The following OXR1 variants were observed in gnomAD, a reference collection of about 807,000 sequenced individuals.
OXR1 encodes the protein oxidation resistance 1.
In OXR1, 41 loss-of-function variants were observed where a neutral mutation model predicts 104.6. The ratio of observed to expected loss-of-function variants is 0.39; its 90% CI spans 0.31 to 0.51. OXR1 has a LOEUF of 0.51. Among genes scored for constraint, OXR1 ranks in the 20% least tolerant of loss-of-function variants. The probability of loss-of-function intolerance (pLI) is 0.77; values close to 1 mark genes in which losing one functional copy is unlikely to be tolerated. For missense variants in OXR1, 955 were observed against 1,031.9 expected (o/e 0.93, Z 1.02); for synonymous variants, 348 against 348.4 (o/e 1.00, Z 0.01).
At chr8:106,324,346 C>A (rs1211692933) in intron 1 of OXR1, among the ~76,000 whole-genome samples, 1 of 151,978 alleles carries the variant, frequency 6.6e-6, no homozygotes, top group African/African-American at 2.4e-5. Context: ...ACAACAGACC[C>A]TGGGGTCTAC....
intron 2 of OXR1, among the ~76,000 whole-genome samples, chr8:106,442,193 CTGTT>C (rs1180618988): frequency 9.2e-5 from 14 of 152,074 alleles, no homozygotes; most frequent in Admixed American, 5.9e-4. Context: ...GTCTTTGGTT[CTGTT>C]TATGTGATGG....
intron 15 of OXR1, among the ~76,000 whole-genome samples, chr8:106,743,202 G>T: frequency 6.6e-6 from 1 of 152,160 alleles, no homozygotes; most frequent in East Asian, 1.9e-4. Flanking sequence ...GATCATTAGA[G>T]AAATGCATAT....
chr8:106,405,055 G>GC (rs1818161135), intron 2 of OXR1, among the ~76,000 whole-genome samples: 2 of 151,282 alleles, frequency 1.3e-5, no homozygotes, highest in South Asian at 4.2e-4. Flanking sequence ...GATCAAACAT[G>GC]TAGTATCAGT....
In OXR1 at chr8:106,694,706, T is replaced by A. The variant is rs1299907027; in HGVS notation, c.675+1829T>A. ...ATATATAAATATATGTTTATATATTTAATATATAAATATATTTTTATATAT... is the reference window on the plus strand; with the variant it reads ...ATATATAAATATATGTTTATATATTAAATATATAAATATATTTTTATATAT... On this transcript the variant is annotated intron_variant, in intron 7 of 16. Coordinates refer to ENST00000517566, the MANE Select transcript of OXR1 (RefSeq NM_001198533.2). Among the ~76,000 whole-genome samples, 105 of 109,208 alleles carry A rather than the reference T, an allele frequency of 9.6e-4. 2 individuals carry two copies. Among genetic ancestry groups the A allele is most frequent in the Non-Finnish European group, 1.7e-3 (97 of 58,462 alleles). 71.6% of individuals were successfully genotyped at this position (109,208 alleles called of 152,430 possible). A position where few individuals can be genotyped will look rare whatever the true frequency, so the allele number is the denominator to read the frequency against.
chr8:106,461,408 C>A (rs908720451), intron 2 of OXR1, among the ~76,000 whole-genome samples: 4 of 151,676 alleles, frequency 2.6e-5, no homozygotes, highest in Non-Finnish European at 5.9e-5. Flanking sequence ...CCCATCTCTA[C>A]AAAAATACAA....
chr8:106,467,717 T>C (rs544522940), intron 2 of OXR1, among the ~76,000 whole-genome samples: 9 of 151,862 alleles, frequency 5.9e-5, no homozygotes, highest in Admixed American at 2.0e-4. Flanking sequence ...CTTACATGCT[T>C]TGCACTCCTA....
Position 106,739,504 on chromosome 8 carries a change from AAGC to A in OXR1, c.2087_2089del (p.Ala696del). 1 of 1,612,750 alleles carries A rather than the reference AAGC, an allele frequency of 6.2e-7. No individual in the cohort carries two copies. The highest frequency in any genetic ancestry group is 8.5e-7 in the Non-Finnish European group (1 of 1,178,880). On this transcript the variant is annotated inframe_deletion, in exon 13 of 17. Coordinates refer to ENST00000517566, the MANE Select transcript of OXR1 (RefSeq NM_001198533.2). ...AATTCAAAGCAGGTTGCTACAGTGA[AAGC>A]AGACCTGGAGTCTGAATCTTTTCGA...
intron 16 of OXR1, among the ~76,000 whole-genome samples, chr8:106,747,587 TAC>T (rs1378256972): frequency 1.6e-4 from 25 of 152,234 alleles, no homozygotes; most frequent in Admixed American, 1.6e-3. Context: ...CATATAAAAA[TAC>T]ACTTTCTGGC....
intron 1 of OXR1, chr8:106,272,289 A>G (rs994912871): frequency 6.6e-6 from 1 of 152,302 alleles, no homozygotes; most frequent in African/African-American, 2.4e-5. Flanking sequence ...TTCTCCATCC[A>G]GCTTGCCATG....
At chr8:106,471,625 T>A (rs1390861614) in intron 2 of OXR1, among the ~76,000 whole-genome samples, 2 of 151,882 alleles carry the variant, frequency 1.3e-5, no homozygotes, top group East Asian at 3.9e-4. Context: ...TTCCCAATGT[T>A]GTTCCCATGT....
intron 2 of OXR1, among the ~76,000 whole-genome samples, chr8:106,481,222 T>C (rs1822095016): frequency 6.6e-6 from 1 of 152,022 alleles, no homozygotes; most frequent in Non-Finnish European, 1.5e-5. Context: ...AGACCCTTAA[T>C]GTTACAGACT....
chr8:106,330,181 A>G (rs568245099), intron 1 of OXR1, among the ~76,000 whole-genome samples: 2 of 152,310 alleles, frequency 1.3e-5, no homozygotes, highest in Admixed American at 6.5e-5. Flanking sequence ...CCGTGCTTTT[A>G]TATACTTAAC....
At chr8:106,704,109 T>C (rs1382729158) in intron 8 of OXR1, among the ~76,000 whole-genome samples, 3 of 152,018 alleles carry the variant, frequency 2.0e-5, no homozygotes, top group South Asian at 2.1e-4. Context: ...CCAACAGATA[T>C]TATTTTGACT....
At chr8:106,633,994 C>G in intron 3 of OXR1, among the ~76,000 whole-genome samples, 1 of 152,096 alleles carries the variant, frequency 6.6e-6, no homozygotes, top group Middle Eastern at 3.2e-3. Context: ...TTGGATTTAC[C>G]TGAATCGACA....
At position 106,738,302 on chromosome 8, in the gene OXR1, T is replaced by G. The variant is rs564927301; in HGVS notation, c.2037+702T>G. ...TCTTTTAATGCTTCTAATGCTGCCT[T>G]GGGTTTCTTTTTCTTTTTCTTTTTA... On this transcript the variant is annotated intron_variant, in intron 12 of 16. Coordinates refer to ENST00000517566, the MANE Select transcript of OXR1 (RefSeq NM_001198533.2). 1.1e-4 allele frequency among the ~76,000 whole-genome samples: 16 copies of G among 152,228 alleles called. No individual in the cohort carries two copies. The South Asian group carries it at 3.3e-3, about 32-fold the overall frequency.
Position 106,706,437 on chromosome 8 carries a change from A to G in OXR1, c.916A>G (p.Ser306Gly), listed in dbSNP as rs1415551694. ...CTGCCATTCAAAGAAAATGACAGGA[A>G]GTAACACTGAGGAAATAGACTCAAG... ...DFCHSKKMTG[S>G]NTEEIDSRIR... The change falls in exon 9 of 17, where the codon AGT (serine) becomes GGT (glycine). Residue 306 changes from serine to glycine, a missense_variant. Physicochemically the swap from Ser to Gly is moderately conservative, Grantham distance 56. Around this residue, in one of 2 missense-constraint regions of OXR1, gnomAD observed 849 missense variants for 852.9 expected, o/e 1.00. Coordinates refer to ENST00000517566, the MANE Select transcript of OXR1 (RefSeq NM_001198533.2). 6.3e-7 allele frequency: 1 copy of G among 1,598,486 alleles called. No homozygotes were observed. The highest frequency in any genetic ancestry group is 1.8e-5 in the Admixed American group (1 of 55,258).
At chr8:106,489,899 A>T (rs1419359534) in intron 2 of OXR1, among the ~76,000 whole-genome samples, 1 of 152,186 alleles carries the variant, frequency 6.6e-6, no homozygotes, top group East Asian at 1.9e-4. Context: ...ACATAAGGTG[A>T]TCATATAATT....
chr8:106,602,063 C>T lies in OXR1; in HGVS notation c.221-77147C>T, dbSNP rs149999677. ...ACAACCGAAAGGAAATGTGTTATGA[C>T]GCCCAGTGATCTTGAAGAGGCTCAG... On this transcript the variant is annotated intron_variant, in intron 3 of 16. Transcript: ENST00000517566. Among the ~76,000 whole-genome samples, 366 of 152,214 alleles carry T rather than the reference C, an allele frequency of 2.4e-3. 1 individual carries two copies. Among genetic ancestry groups the T allele is most frequent in the African/African-American group, 8.1e-3 (338 of 41,524 alleles).
intron 3 of OXR1, among the ~76,000 whole-genome samples, chr8:106,666,511 A>G (rs1389968206): frequency 6.6e-6 from 1 of 152,172 alleles, no homozygotes; most frequent in Non-Finnish European, 1.5e-5. Flanking sequence ...GACCATTGCA[A>G]TAGGGATAGG....
Sources: gnomAD v4.1 joint callset for allele counts (sites outside exome capture counted in the v4.1 genomes callset) on GRCh38, gnomAD v4.1.1 for gene constraint, gnomAD v4.1.1 regional missense constraint, MANE v1.5 for transcripts, NCBI Gene and HGNC (gene_info 2026-07-23, HGNC 2026-07-21) for gene names.